The following CLIC5 variants were observed in gnomAD, a reference collection of about 807,000 sequenced individuals.
The protein encoded by CLIC5 is CLIC family member 5, also known as chloride intracellular channel protein 5.
In CLIC5, 20 loss-of-function variants were observed where a neutral mutation model predicts 24.7. That is an observed-to-expected ratio of 0.81 (90% confidence interval 0.57 to 1.18). CLIC5 has a LOEUF of 1.18. Ranked by LOEUF, CLIC5 falls within the 50% of genes most tolerant of loss-of-function variation. The probability of loss-of-function intolerance (pLI) is 0.00; values close to 1 mark genes in which losing one functional copy is unlikely to be tolerated. For missense variants in CLIC5, 341 were observed against 326.1 expected, an observed-to-expected ratio of 1.05 and a Z score of -0.35; for synonymous variants, 159 against 135.6, an observed-to-expected ratio of 1.17 and a Z score of -1.20.
chr6:46,076,500 C>A (rs4714902), intron 1 of CLIC5, among the ~76,000 whole-genome samples: 114,650 of 152,128 alleles, frequency 0.75, 44,157 homozygotes, highest in African/African-American at 0.91. Context: ...GGAAACAGGG[C>A]GAGAAGAGGT....
At chr6:45,962,338 G>A (rs1387604817) in intron 1 of CLIC5, among the ~76,000 whole-genome samples, 1 of 151,750 alleles carries the variant, frequency 6.6e-6, no homozygotes, top group Non-Finnish European at 1.5e-5. Context: ...GGGAAGAGCC[G>A]CAGTTCGAGT....
At chr6:46,112,570 C>G in the CLIC5 span, among the ~76,000 whole-genome samples, 1 of 152,114 alleles carries the variant, frequency 6.6e-6, no homozygotes, top group East Asian at 1.9e-4. Context: ...TGCCTTTTCT[C>G]CAATTAATCT....
intron 4 of CLIC5, among the ~76,000 whole-genome samples, chr6:45,925,567 G>T (rs1763451838): frequency 6.6e-6 from 1 of 152,120 alleles, no homozygotes; most frequent in Non-Finnish European, 1.5e-5. Context: ...CGCCTGCCCT[G>T]GCCTCCCAAA....
At chr6:46,100,943 G>A in the CLIC5 span, among the ~76,000 whole-genome samples, 2 of 152,152 alleles carry the variant, frequency 1.3e-5, no homozygotes, top group Non-Finnish European at 2.9e-5. Context: ...CCAAAAACAG[G>A]TTATGGTTGA....
chr6:45,973,351 G>A (rs1765266846), intron 1 of CLIC5, among the ~76,000 whole-genome samples: 1 of 152,210 alleles, frequency 6.6e-6, no homozygotes, highest in Non-Finnish European at 1.5e-5. Context: ...GTCTGCCTCT[G>A]TGCAACCTCT....
chr6:46,085,454 T>A, the CLIC5 span, among the ~76,000 whole-genome samples: 1 of 152,204 alleles, frequency 6.6e-6, no homozygotes, highest in South Asian at 2.1e-4. Context: ...GGGTTTTTGG[T>A]GTGGATGTCC....
intron 1 of CLIC5, among the ~76,000 whole-genome samples, chr6:45,964,552 C>T (rs1229155539): frequency 1.3e-5 from 2 of 152,160 alleles, no homozygotes; most frequent in East Asian, 3.9e-4. Context: ...CCCCTGGAAC[C>T]TAGCCACCAT....
In CLIC5 at chr6:45,914,302, G is replaced by A. The variant is rs138254725; in HGVS notation, c.514C>T (p.Arg172Trp). The change falls in exon 5 of 6, where the codon CGG becomes TGG. Residue 172 changes from arginine to tryptophan, a missense_variant. Arg to Trp is a moderately radical substitution (Grantham distance 101). Coordinates refer to ENST00000339561, the MANE Select transcript of CLIC5 (RefSeq NM_016929.5). Reference protein sequence around the residue: ...ANTCGEDKGSRRKFLDGDELT... With the variant: ...ANTCGEDKGSWRKFLDGDELT... ...TCATCCCCATCCAGGAACTTGCGCCGGGACCCCTTGTCTTCCCCACAAGTG... is the reference window on the plus strand; with the variant it reads ...TCATCCCCATCCAGGAACTTGCGCCAGGACCCCTTGTCTTCCCCACAAGTG... 271 of 1,606,954 alleles carry A rather than the reference G, an allele frequency of 1.7e-4. 3 individuals are homozygous for A. The highest frequency in any genetic ancestry group is 8.3e-4 in the Middle Eastern group (5 of 6,030).
intron 1 of CLIC5, among the ~76,000 whole-genome samples, 190 bp downstream of exon 1, chr6:46,015,290 G>T (rs552145203): frequency 3.9e-5 from 6 of 152,314 alleles, no homozygotes; most frequent in African/African-American, 1.4e-4. Flanking sequence ...GCCACCTGCC[G>T]GAACCTGCCT....
rs549063358 is a variant in CLIC5 at position 46,038,066 on chromosome 6, G to C, written c.540+41637C>G. 3.3e-5 allele frequency among the ~76,000 whole-genome samples: 5 copies of C among 152,168 alleles called. No individual in the cohort carries two copies. In the South Asian group the frequency reaches 6.2e-4, roughly 19 times the overall value. On this transcript the variant is annotated intron_variant, in intron 1 of 5. Transcript: ENST00000185206. Reference sequence around the variant, plus strand: ...CTCACTAATACTGGCTTATTATCTGGTAGAGCTCATTGGCCCAGTCCCTCT... The same window carrying C: ...CTCACTAATACTGGCTTATTATCTGCTAGAGCTCATTGGCCCAGTCCCTCT...
At chr6:46,037,694 G>A (rs934391100) in intron 1 of CLIC5, among the ~76,000 whole-genome samples, 3 of 152,204 alleles carry the variant, frequency 2.0e-5, no homozygotes, top group Non-Finnish European at 2.9e-5. Flanking sequence ...AGTATCAGTA[G>A]CACTATTCAT....
chr6:45,912,739 C>T, intron 5 of CLIC5: 1 of 1,531,264 alleles, frequency 6.5e-7, no homozygotes, highest in Admixed American at 2.0e-5. Flanking sequence ...GGTACTTGTT[C>T]CTAAGGAGAA....
chr6:46,036,236 A>T (rs1176190811), intron 1 of CLIC5, among the ~76,000 whole-genome samples: 1 of 151,002 alleles, frequency 6.6e-6, no homozygotes, highest in Non-Finnish European at 1.5e-5. Flanking sequence ...CTTTTGTTTA[A>T]TCCCAAATTG....
intron 1 of CLIC5, among the ~76,000 whole-genome samples, chr6:46,036,843 A>G (rs930802928): frequency 2.0e-5 from 3 of 152,236 alleles, no homozygotes; most frequent in South Asian, 2.1e-4. Context: ...TTTCAAAAAT[A>G]ATAAGGGAAG....
At chr6:45,956,663 T>A (rs1333216701) in intron 1 of CLIC5, among the ~76,000 whole-genome samples, 2 of 152,096 alleles carry the variant, frequency 1.3e-5, no homozygotes, top group Non-Finnish European at 2.9e-5. Flanking sequence ...GGGGCTCAGG[T>A]TTATAATGGA....
the CLIC5 span, among the ~76,000 whole-genome samples, chr6:46,095,184 C>T: frequency 0.022 from 3,357 of 152,206 alleles, 129 homozygotes; most frequent in African/African-American, 0.076. Flanking sequence ...TTCTTCCCTC[C>T]TACGCCTCCA....
At chr6:46,014,698 C>CG (rs1766933396) in intron 1 of CLIC5, 1 of 152,248 alleles carries the variant, frequency 6.6e-6, no homozygotes, top group Admixed American at 6.5e-5. Context: ...GCCGCAGCCT[C>CG]GCCTCCATCC....
chr6:45,968,495 A>G (rs1189860482), intron 1 of CLIC5, among the ~76,000 whole-genome samples: 1 of 152,080 alleles, frequency 6.6e-6, no homozygotes, highest in Non-Finnish European at 1.5e-5. Flanking sequence ...ATTATCTCCT[A>G]TGTGAGATCC....
At chr6:46,115,639 C>T in the CLIC5 span, among the ~76,000 whole-genome samples, 3 of 152,242 alleles carry the variant, frequency 2.0e-5, no homozygotes, top group African/African-American at 4.8e-5. Flanking sequence ...CAAAAGGTGA[C>T]TTCAACAGAA....
Sources: allele counts gnomAD v4.1 joint callset (sites outside exome capture counted in the v4.1 genomes callset), GRCh38; gene constraint gnomAD v4.1.1; transcripts MANE v1.5; gene names NCBI Gene and HGNC (gene_info 2026-07-23, HGNC 2026-07-21).